INSRR: variants seen among roughly 807,000 people sequenced by gnomAD.
The protein encoded by INSRR is insulin receptor related receptor, also known as insulin receptor-related protein.
INSRR carries 114 observed loss-of-function variants against 130.0 expected under a neutral mutation model. The observed-to-expected ratio is 0.88, with a 90% CI of 0.75 to 1.02. INSRR has a LOEUF of 1.02. Among genes scored for constraint, INSRR ranks in the 50% least tolerant of loss-of-function variants. The pLI is 0.00. For missense variants in INSRR, 1,657 were observed against 1,735.2 expected (o/e 0.95, Z 0.80); for synonymous variants, 674 against 705.2 (o/e 0.96, Z 0.70).
chr1:156,842,641 AC>A (rs544995336), intron 17 of INSRR, 133 bp from the exon 18 acceptor site: 465 of 658,826 alleles, frequency 7.1e-4, no homozygotes, highest in Non-Finnish European at 8.9e-4. Flanking sequence ...CTATAACCTG[AC>A]TCCTGACCTA....
Position 156,851,402 on chromosome 1 carries a change from C to G in INSRR, c.1117G>C (p.Gly373Arg), listed in dbSNP as rs1340458877. The change falls in exon 5 of 22, where the codon GGG becomes CGG. Residue 373 changes from glycine (G) to arginine (R), a missense_variant. Physicochemically the swap from Gly to Arg is moderately radical, Grantham distance 125. Coordinates refer to ENST00000368195, the MANE Select transcript of INSRR (RefSeq NM_014215.3). ...NLEPQLQHSL[G>R]LVETITGFLK... ...AAGCCAGTAATGGTTTCTACCAGCC[C>G]CAGGCTGTGCTGCAGCTGTGGCTCC... 1 of 1,614,118 alleles carries G rather than the reference C, an allele frequency of 6.2e-7. No individual in the cohort carries two copies. The highest frequency in any genetic ancestry group is 1.1e-5 in the South Asian group (1 of 91,068).
At chr1:156,851,110 T>C (rs1332986073) in intron 5 of INSRR, 180 bp downstream of exon 5, 2 of 713,188 alleles carry the variant, frequency 2.8e-6, no homozygotes, top group Non-Finnish European at 5.0e-6. Context: ...AAGTAAGTAA[T>C]GTTATATTAG....
At chr1:156,853,442 C>A (rs1047609474) in intron 2 of INSRR, among the ~76,000 whole-genome samples, 1 of 152,172 alleles carries the variant, frequency 6.6e-6, no homozygotes, top group Non-Finnish European at 1.5e-5. Context: ...TTGGACTTAG[C>A]CACTGCCCCA....
chr1:156,847,903 A>C (rs1240971249), intron 7 of INSRR, among the ~76,000 whole-genome samples: 1 of 152,074 alleles, frequency 6.6e-6, no homozygotes, highest in African/African-American at 2.4e-5. Context: ...AGTTGTGCAG[A>C]TTGTGAAGTG....
At chr1:156,845,852 G>T in intron 9 of INSRR, 38 bp from the exon 10 acceptor site, 1 of 1,584,988 alleles carries the variant, frequency 6.3e-7, no homozygotes, top group South Asian at 1.1e-5. Context: ...AAGACAGGCG[G>T]TCTACCCGCC....
Position 156,851,334 on chromosome 1 carries a change from A to G in INSRR, c.1185T>C (p.Phe395=). 6.2e-7 allele frequency: 1 copy of G among 1,614,206 alleles called. No individual in the cohort carries two copies. Among genetic ancestry groups the G allele is most frequent in the South Asian group, 1.1e-5 (1 of 91,086 alleles). ...CCCGGATTAGTTTGAGGTTCTTGAA[A>G]AAGCCCAGGGACACGAGGGCAAAGG... ...KHSFALVSLG[F]FKNLKLIRGD... The change falls in exon 5 of 22, where the codon TTT becomes TTC. Residue 395 remains phenylalanine (F), a synonymous_variant. Transcript: ENST00000368195.
chr1:156,845,182 C>T lies in INSRR; in HGVS notation c.2331G>A (p.Leu777=). ...CGATCCGGTATTCCGTGAAGTGGCG[C>T]AGGCCGCTCAGCACCGCTCGCTCAC... ...VPRERAVLSG[L]RHFTEYRIDI... Residue 777 remains leucine (L), a synonymous_variant, in exon 12 of 22, where the codon CTG becomes CTA. Coordinates refer to ENST00000368195, the MANE Select transcript of INSRR (RefSeq NM_014215.3). 1.9e-6 allele frequency: 3 copies of T among 1,610,156 alleles called. No individual in the cohort carries two copies. Among genetic ancestry groups the T allele is most frequent in the Non-Finnish European group, 2.5e-6 (3 of 1,178,536 alleles).
Position 156,841,382 on chromosome 1 carries a change from G to A in INSRR, c.3662+12C>T, listed in dbSNP as rs892680822. The stretch of plus-strand genomic sequence containing the variant: ...GATCAACAATGAGGAAGGGGCAGGG[G>A]AGGTGACTCACAGCTGAAGGGGACA... On this transcript the variant is annotated intron_variant, in intron 21 of 21. Transcript: ENST00000368195. The A allele has an allele frequency of 1.2e-6, 2 of 1,612,930 alleles. No homozygotes were observed. Among genetic ancestry groups the A allele is most frequent in the South Asian group, 1.1e-5 (1 of 91,034 alleles).
chr1:156,843,052 C>A lies in INSRR; in HGVS notation c.3078G>T (p.Glu1026Asp), dbSNP rs1372971479. 1.2e-6 allele frequency: 2 copies of A among 1,614,188 alleles called. No individual in the cohort carries two copies. The highest frequency in any genetic ancestry group is 2.7e-5 in the African/African-American group (2 of 75,042). The change falls in exon 17 of 22, where the codon GAG becomes GAT. Residue 1026 changes from glutamate to aspartate, a missense_variant. Physicochemically the swap from Glu to Asp is conservative, Grantham distance 45 (BLOSUM62 2). Transcript: ENST00000368195. Reference sequence around the variant, plus strand: ...TCATGACAGAAGCTTCCTTGAGGAACTCAATGCATTCCCGTGGGCTGGCCA... The same window carrying A: ...TCATGACAGAAGCTTCCTTGAGGAAATCAATGCATTCCCGTGGGCTGGCCA... ...NELASPRECI[E>D]FLKEASVMKA...
rs1654750199 is a variant in INSRR at position 156,840,884 on chromosome 1, G to A, written c.3883C>T (p.Pro1295Ser). ...PRDCSPQNGG[P>S]GH Reference sequence around the variant, plus strand: ...GAATGAGGTGCCCCTCAGTGCCCTGGACCCCCATTTTGAGGGCTGCAGTCT... The same window carrying A: ...GAATGAGGTGCCCCTCAGTGCCCTGAACCCCCATTTTGAGGGCTGCAGTCT... Residue 1295 changes from proline to serine, a missense_variant, in exon 22 of 22, where the codon CCA becomes TCA. Pro to Ser is a moderately conservative substitution (Grantham distance 74, BLOSUM62 -1). Coordinates refer to ENST00000368195, the MANE Select transcript of INSRR (RefSeq NM_014215.3). 6.2e-7 allele frequency: 1 copy of A among 1,612,830 alleles called. No homozygotes were observed. Among genetic ancestry groups the A allele is most frequent in the East Asian group, 2.2e-5 (1 of 44,868 alleles).
intron 7 of INSRR, 66 bp from the exon 8 acceptor site, chr1:156,846,823 C>G (rs923674876): frequency 2.4e-6 from 3 of 1,265,336 alleles, no homozygotes; most frequent in Non-Finnish European, 3.5e-6. Flanking sequence ...CACCCCCGCT[C>G]TGAATCACCC....
chr1:156,845,022 C>A (rs1188024359), intron 12 of INSRR, 54 bp downstream of exon 12: 23 of 1,557,470 alleles, frequency 1.5e-5, no homozygotes, highest in Middle Eastern at 3.3e-4. Flanking sequence ...AACCTTTGCA[C>A]AGGGTCCTTG....
intron 2 of INSRR, among the ~76,000 whole-genome samples, chr1:156,853,020 C>T (rs1222073913): frequency 6.6e-6 from 1 of 152,168 alleles, no homozygotes; most frequent in Non-Finnish European, 1.5e-5. Context: ...CTTTTCCTTT[C>T]CTATAACGTT....
rs950198537 is a variant in INSRR, at chr1:156,840,476, T to C, written c.*397A>G. On this transcript the variant is annotated 3_prime_UTR_variant, in exon 22 of 22. Transcript: ENST00000368195. Reference sequence around the variant, plus strand: ...GCATGGAGAGCGCCCCAGGCCTGCTTCTGATTGCTCATCTGATTTCAAACA... The same window carrying C: ...GCATGGAGAGCGCCCCAGGCCTGCTCCTGATTGCTCATCTGATTTCAAACA... 1 of 167,136 alleles carries C rather than the reference T, an allele frequency of 6.0e-6. No homozygotes were observed. Among genetic ancestry groups the C allele is most frequent in the Admixed American group, 6.6e-5 (1 of 15,122 alleles). 10.4% of individuals were successfully genotyped at this position (167,136 alleles called of 1,614,324 possible). A position where few individuals can be genotyped will look rare whatever the true frequency, so the allele number is the denominator to read the frequency against.
chr1:156,849,513 G>GGGGGGGGGGGGGGGGGGGGGGGGC, intron 5 of INSRR, 53 bp from the exon 6 acceptor site: 3 of 486,118 alleles, frequency 6.2e-6, no homozygotes, highest in African/African-American at 2.0e-5. Flanking sequence ...CAGGGGGTGG[G>GGGGGGGGGGGGGGGGGGGGGGGGC]AAAGGGGATG....
chr1:156,841,628 C>T, intron 20 of INSRR, 37 bp downstream of exon 20: 1 of 1,610,260 alleles, frequency 6.2e-7, no homozygotes, highest in Non-Finnish European at 8.5e-7. Flanking sequence ...ATCCCGCCTC[C>T]ACATCCCTGG....
chr1:156,851,620 G>A, intron 4 of INSRR, 26 bp downstream of exon 4: 1 of 1,614,048 alleles, frequency 6.2e-7, no homozygotes. Flanking sequence ...CAGGAGGAGG[G>A]GTGTGGCCCC....
intron 19 of INSRR, 38 bp downstream of exon 19, chr1:156,842,074 T>A: frequency 1.2e-6 from 2 of 1,612,342 alleles, no homozygotes; most frequent in Non-Finnish European, 1.7e-6. Context: ...GTCTCTCTAC[T>A]TTTCAGGCCG....
chr1:156,856,997 G>A (rs79039022), intron 1 of INSRR, among the ~76,000 whole-genome samples: 2,174 of 152,046 alleles, frequency 0.014, 56 homozygotes, highest in African/African-American at 0.049. Context: ...CGAGCCCTCC[G>A]GTGTTATCAC....
Sources: allele counts gnomAD v4.1 joint callset (sites outside exome capture counted in the v4.1 genomes callset), GRCh38; gene constraint gnomAD v4.1.1; transcripts MANE v1.5; gene names NCBI Gene and HGNC (gene_info 2026-07-23, HGNC 2026-07-21).